The following CDH7 variants were observed in gnomAD, a reference collection of about 807,000 sequenced individuals.
CDH7 encodes the protein cadherin-7.
CDH7 carries 25 observed loss-of-function variants against 71.8 expected under a neutral mutation model. That is an observed-to-expected ratio of 0.35 (90% CI 0.25 to 0.49). CDH7 has a LOEUF of 0.49. Ranked by LOEUF, CDH7 falls within the 20% of genes least tolerant of loss-of-function variation. CDH7 has a pLI of 0.99. For missense variants in CDH7, 862 were observed against 974.6 expected, an observed-to-expected ratio of 0.88 and a Z score of 1.54; for synonymous variants, 381 against 363.8, an observed-to-expected ratio of 1.05 and a Z score of -0.54.
Position 65,756,255 on chromosome 18 carries a change from T to A in CDH7, c.-197+5105T>A, listed in dbSNP as rs113544457. 8.8e-3 allele frequency among the ~76,000 whole-genome samples: 1,334 copies of A among 152,312 alleles called. 20 individuals carry two copies. The highest frequency in any genetic ancestry group is 0.031 in the African/African-American group (1,291 of 41,566). On this transcript the variant is annotated intron_variant, in intron 1 of 11. Transcript: ENST00000397968. ...TTTGGTGCTATTATTCCAACTGTGA[T>A]GTCTTGTACTATTATGTTTCATAGG...
intron 2 of CDH7, among the ~76,000 whole-genome samples, chr18:65,799,640 C>G (rs1238340683): frequency 6.6e-6 from 1 of 151,626 alleles, no homozygotes; most frequent in Non-Finnish European, 1.5e-5. Context: ...CTCGCCACTG[C>G]AGTGCAGCCT....
intron 2 of CDH7, among the ~76,000 whole-genome samples, chr18:65,765,417 C>T (rs1235078916): frequency 4.0e-5 from 6 of 150,592 alleles, no homozygotes; most frequent in Non-Finnish European, 7.4e-5. Context: ...GACTTAAGTA[C>T]GTTTTTTATT....
chr18:65,809,659 G>C (rs770944914), intron 2 of CDH7, 45 bp from the exon 3 acceptor site: 2 of 1,491,730 alleles, frequency 1.3e-6, no homozygotes, highest in Non-Finnish European at 1.9e-6. Flanking sequence ...CCATATCACT[G>C]ACTCTCTTGT....
At chr18:65,835,572 G>A (rs796599215) in intron 6 of CDH7, among the ~76,000 whole-genome samples, 15 of 152,182 alleles carry the variant, frequency 9.9e-5, no homozygotes, top group African/African-American at 3.4e-4. Flanking sequence ...AGGTCATAAT[G>A]TGGATTCTGC....
intron 7 of CDH7, among the ~76,000 whole-genome samples, chr18:65,847,624 T>C (rs1325051121): frequency 1.3e-5 from 2 of 152,166 alleles, no homozygotes; most frequent in African/African-American, 4.8e-5. Context: ...TGCATAACTC[T>C]TCTCTATGAA....
chr18:65,794,152 G>A (rs1010123040), intron 2 of CDH7, among the ~76,000 whole-genome samples: 11 of 145,726 alleles, frequency 7.5e-5, no homozygotes, highest in African/African-American at 3.0e-4. Flanking sequence ...TAAATAACAT[G>A]TTAAAGTGAT....
At chr18:65,793,219 C>G (rs2143862713) in intron 2 of CDH7, among the ~76,000 whole-genome samples, 1 of 152,136 alleles carries the variant, frequency 6.6e-6, no homozygotes, top group East Asian at 1.9e-4. Flanking sequence ...GTGGCCAGAC[C>G]ACTTGAGCTC....
chr18:65,819,043 G>A (rs1253589307), intron 4 of CDH7, among the ~76,000 whole-genome samples: 2 of 151,992 alleles, frequency 1.3e-5, no homozygotes, highest in Non-Finnish European at 2.9e-5. Flanking sequence ...GAAAAAACTG[G>A]TAGGAACCAG....
At chr18:65,835,617 T>C (rs1253905955) in intron 6 of CDH7, among the ~76,000 whole-genome samples, 1 of 152,178 alleles carries the variant, frequency 6.6e-6, no homozygotes, top group East Asian at 1.9e-4. Flanking sequence ...CTAGAAGTTA[T>C]TGGGTACAGC....
chr18:65,778,521 G>A (rs116143173), intron 2 of CDH7, among the ~76,000 whole-genome samples: 1,177 of 67,806 alleles, frequency 0.017, 22 homozygotes, highest in African/African-American at 0.084. Context: ...TGCCCCAGGC[G>A]TCTCACTCTT....
intron 11 of CDH7, among the ~76,000 whole-genome samples, chr18:65,875,929 C>A (rs988486990): frequency 1.3e-5 from 2 of 151,642 alleles, no homozygotes; most frequent in Non-Finnish European, 2.9e-5. Context: ...ACTCTGTCTC[C>A]AAAAAATAAA....
At chr18:65,843,144 T>C (rs139308288) in intron 6 of CDH7, among the ~76,000 whole-genome samples, 1 of 152,334 alleles carries the variant, frequency 6.6e-6, no homozygotes, top group African/African-American at 2.4e-5. Context: ...TTGGGAAAAT[T>C]GTAGCATGTA....
intron 6 of CDH7, among the ~76,000 whole-genome samples, chr18:65,835,029 G>A (rs545865680): frequency 1.1e-4 from 16 of 152,266 alleles, no homozygotes; most frequent in African/African-American, 3.9e-4. Flanking sequence ...GCTCACACAT[G>A]CATCAGCTAT....
At chr18:65,787,356 T>G (rs979129760) in intron 2 of CDH7, among the ~76,000 whole-genome samples, 6 of 152,196 alleles carry the variant, frequency 3.9e-5, no homozygotes, top group Non-Finnish European at 8.8e-5. Context: ...TAGTTGGTGC[T>G]GCTCCTGCTA....
chr18:65,759,194 A>G (rs989673435), intron 1 of CDH7, among the ~76,000 whole-genome samples: 1 of 150,958 alleles, frequency 6.6e-6, no homozygotes, highest in Non-Finnish European at 1.5e-5. Flanking sequence ...TCAAATGTTT[A>G]TTTTACATTC....
At chr18:65,824,195 C>A (rs72941976) in intron 5 of CDH7, among the ~76,000 whole-genome samples, 33,114 of 151,428 alleles carry the variant, frequency 0.22, 3,856 homozygotes, top group Non-Finnish European at 0.27. Context: ...TAAGTAAATT[C>A]CAACATTAAG....
intron 6 of CDH7, among the ~76,000 whole-genome samples, chr18:65,831,936 G>T (rs1912365221): frequency 6.6e-6 from 1 of 152,042 alleles, no homozygotes; most frequent in South Asian, 2.1e-4. Context: ...TGGTCTCCCA[G>T]TCCCTTCTCC....
chr18:65,855,980 A>G (rs1343171796), intron 7 of CDH7, among the ~76,000 whole-genome samples: 1 of 151,880 alleles, frequency 6.6e-6, no homozygotes, highest in Non-Finnish European at 1.5e-5. Context: ...AGAAGAAAAA[A>G]CACACTGTCA....
At chr18:65,843,690 T>C in intron 6 of CDH7, 122 bp from the exon 7 acceptor site, 1 of 782,864 alleles carries the variant, frequency 1.3e-6, no homozygotes. Context: ...TATTTTTGGA[T>C]GCTGATGGTG....
Sources: allele counts gnomAD v4.1 joint callset (sites outside exome capture counted in the v4.1 genomes callset), GRCh38; gene constraint gnomAD v4.1.1; transcripts MANE v1.5; gene names NCBI Gene and HGNC (gene_info 2026-07-23, HGNC 2026-07-21).